Variants in KLF17 observed in about 807,000 individuals in gnomAD.
KLF17 encodes Krueppel-like factor 17.
KLF17 carries 31 observed loss-of-function variants against 34.2 expected under a neutral mutation model. That is an observed-to-expected ratio of 0.91 (90% confidence interval 0.68 to 1.22). KLF17 has a LOEUF of 1.22. Among genes scored for constraint, KLF17 ranks in the 50% most tolerant of loss-of-function variants. The probability of loss-of-function intolerance (pLI) is 0.00; values close to 1 mark genes in which losing one functional copy is unlikely to be tolerated. For synonymous variants in KLF17, 179 were observed against 186.7 expected (o/e 0.96, Z 0.34); for missense variants, 478 against 505.2 (o/e 0.95, Z 0.52).
the KLF17 span, chr1:44,104,548 G>A: frequency 2.5e-5 from 17 of 683,780 alleles, no homozygotes; most frequent in Admixed American, 7.8e-5. Context: ...TCCTAAGGGG[G>A]CTCAGCAGAC....
intron 3 of KLF17, 150 bp from the exon 4 acceptor site, chr1:44,133,088 G>A (rs2254746): frequency 0.31 from 47,761 of 152,016 alleles, 7,546 homozygotes; most frequent in South Asian, 0.43. Flanking sequence ...TCTTGATCTG[G>A]GGGCTCAGAG....
At chr1:44,085,705 G>A in the KLF17 span, among the ~76,000 whole-genome samples, 51 of 150,348 alleles carry the variant, frequency 3.4e-4, no homozygotes, top group Non-Finnish European at 2.2e-4. Context: ...TCAGGAGGCT[G>A]AGGTGGGAGG....
chr1:44,118,862 G>C lies in KLF17; in HGVS notation c.-46G>C. The C allele has an allele frequency of 6.7e-7, 1 of 1,483,434 alleles. No individual in the cohort carries two copies. The highest frequency in any genetic ancestry group is 1.4e-5 in the African/African-American group (1 of 70,976). The allele number at this position is 1,483,434 out of a possible 1,614,324, so 91.9% of individuals were successfully genotyped here. A position where few individuals can be genotyped will look rare whatever the true frequency, so the allele number is the denominator to read the frequency against. Reference sequence around the variant, plus strand: ...ACCCGCCTGCGACGCCGTGGTGGCTGGTTCCCTGTCTCTTCAGTAGAGAGT... The same window carrying C: ...ACCCGCCTGCGACGCCGTGGTGGCTCGTTCCCTGTCTCTTCAGTAGAGAGT... On this transcript the variant is annotated 5_prime_UTR_variant, in exon 1 of 4. Coordinates refer to ENST00000372299, the MANE Select transcript of KLF17 (RefSeq NM_173484.4).
chr1:44,118,818 G>C (rs2087910173), upstream of KLF17: 1 of 926,116 alleles, frequency 1.1e-6, no homozygotes, highest in Non-Finnish European at 1.6e-6. Flanking sequence ...AGGTGATTGT[G>C]GCGTGGCGAT....
chr1:44,051,870 C>T, the KLF17 span, among the ~76,000 whole-genome samples: 8 of 152,116 alleles, frequency 5.3e-5, no homozygotes, highest in African/African-American at 1.4e-4. Flanking sequence ...GGGTTTTCAG[C>T]ATTTGGTGAG....
chr1:44,056,275 C>T, the KLF17 span, among the ~76,000 whole-genome samples: 6 of 152,146 alleles, frequency 3.9e-5, no homozygotes, highest in East Asian at 1.9e-4. Flanking sequence ...TCTGGGAAAG[C>T]GAGGATAGTG....
At chr1:44,060,765 A>G in the KLF17 span, among the ~76,000 whole-genome samples, 2 of 152,248 alleles carry the variant, frequency 1.3e-5, no homozygotes, top group African/African-American at 4.8e-5. Flanking sequence ...GTCAGGCATT[A>G]AAGGGGATTC....
the KLF17 span, among the ~76,000 whole-genome samples, chr1:44,087,727 TATATATATA>T: frequency 2.7e-4 from 15 of 55,842 alleles, no homozygotes; most frequent in Non-Finnish European, 4.5e-4. Flanking sequence ...ATATATTTTA[TATATATATA>T]TATATATATA....
chr1:44,109,049 G>A, the KLF17 span, among the ~76,000 whole-genome samples: 3 of 152,160 alleles, frequency 2.0e-5, no homozygotes, highest in Non-Finnish European at 4.4e-5. Flanking sequence ...AAGGAGAAGA[G>A]CCCTTTGAGA....
chr1:44,130,601 A>G lies in KLF17; in HGVS notation c.1015A>G (p.Arg339Gly). Residue 339 changes from arginine (R) to glycine (G), a missense_variant, in exon 3 of 4, where the codon AGA becomes GGA. Coordinates refer to ENST00000372299, the MANE Select transcript of KLF17 (RefSeq NM_173484.4). ...TAGACGACATATGCGGGTACACACC[A>G]GATATCGACCATATAAATGTGATCA... ...ELRRHMRVHT[R>G]YRPYKCDQCS... 6.2e-7 allele frequency: 1 copy of G among 1,614,114 alleles called. No homozygotes were observed. Among genetic ancestry groups the G allele is most frequent in the South Asian group, 1.1e-5 (1 of 91,072 alleles).
chr1:44,047,992 TTGTG>T, the KLF17 span: 1 of 129,134 alleles, frequency 7.7e-6, no homozygotes, highest in Non-Finnish European at 1.7e-5. Context: ...TAAGAGAACA[TTGTG>T]TGTGTATGTG....
chr1:44,114,156 C>T (rs2087859716), upstream of KLF17: 1 of 152,224 alleles, frequency 6.6e-6, no homozygotes, highest in Admixed American at 6.5e-5. Context: ...TGGCTCTGTC[C>T]TATTTTGATA....
At chr1:44,069,199 G>T in the KLF17 span, among the ~76,000 whole-genome samples, 1 of 152,156 alleles carries the variant, frequency 6.6e-6, no homozygotes, top group Non-Finnish European at 1.5e-5. The surrounding 1 kb of genome is among the most constrained non-coding windows in gnomAD (Gnocchi z 4.7). Context: ...GGATAGGGGT[G>T]GGGGTTCAGC....
chr1:44,125,749 T>C (rs999499446), intron 1 of KLF17, among the ~76,000 whole-genome samples: 6 of 152,226 alleles, frequency 3.9e-5, no homozygotes, highest in Non-Finnish European at 7.3e-5. Context: ...ATTACAGGCA[T>C]GAGCCACCGC....
the KLF17 span, among the ~76,000 whole-genome samples, chr1:44,096,481 C>G: frequency 3.3e-5 from 5 of 151,152 alleles, no homozygotes; most frequent in Non-Finnish European, 7.4e-5. Context: ...TCACTGCAAG[C>G]TCCGCCTCCC....
the KLF17 span, among the ~76,000 whole-genome samples, chr1:44,059,604 T>C: frequency 6.6e-6 from 1 of 152,136 alleles, no homozygotes; most frequent in African/African-American, 2.4e-5. Flanking sequence ...CAAATCCCTA[T>C]TTGTTAAGTG....
the KLF17 span, chr1:44,106,724 G>A: frequency 6.6e-6 from 1 of 152,236 alleles, no homozygotes; most frequent in Non-Finnish European, 1.5e-5. Flanking sequence ...TCTCCAGAGA[G>A]ACAAGAAGGT....
chr1:44,082,645 C>T, the KLF17 span, among the ~76,000 whole-genome samples: 1 of 152,104 alleles, frequency 6.6e-6, no homozygotes. Context: ...TATTTTTATC[C>T]CTGGATTTTT....
the KLF17 span, among the ~76,000 whole-genome samples, chr1:44,070,527 C>T: frequency 4.0e-5 from 6 of 150,240 alleles, no homozygotes; most frequent in East Asian, 3.9e-4. Flanking sequence ...GACATGATTT[C>T]GTTATTTTTT....
Sources: gnomAD v4.1 joint callset for allele counts (sites outside exome capture counted in the v4.1 genomes callset) on GRCh38, gnomAD v4.1.1 for gene constraint, Gnocchi (gnomAD v3.1) non-coding constraint, MANE v1.5 for transcripts, NCBI Gene and HGNC (gene_info 2026-07-23, HGNC 2026-07-21) for gene names.